The following MACROD2 variants were observed in gnomAD, a reference collection of about 807,000 sequenced individuals.
The protein encoded by MACROD2 is ADP-ribose glycohydrolase MACROD2.
MACROD2 carries 36 observed loss-of-function variants against 70.4 expected under a neutral mutation model. The observed-to-expected ratio is 0.51, with a 90% CI of 0.39 to 0.68. MACROD2 has a LOEUF of 0.68. MACROD2 is among the 30% of genes least tolerant of loss of function. The pLI, the probability that MACROD2 is intolerant of heterozygous loss-of-function variation, is 0.00. For synonymous variants in MACROD2, 172 were observed against 178.8 expected, an observed-to-expected ratio of 0.96 and a Z score of 0.30; for missense variants, 496 against 538.4, an observed-to-expected ratio of 0.92 and a Z score of 0.78.
intron 8 of MACROD2, among the ~76,000 whole-genome samples, chr20:15,601,245 T>TATAGGGC (rs2048815708): frequency 6.6e-6 from 1 of 152,122 alleles, no homozygotes; most frequent in South Asian, 2.1e-4. Context: ...GTCCAAGTGG[T>TATAGGGC]ATAGGGCTCA....
chr20:14,721,294 T>A (rs1306163837), intron 5 of MACROD2, among the ~76,000 whole-genome samples: 1 of 150,112 alleles, frequency 6.7e-6, no homozygotes, highest in Non-Finnish European at 1.5e-5. Context: ...AAAGAATCTC[T>A]CAAATGTGAA....
chr20:15,209,245 C>T (rs900834873), intron 5 of MACROD2, among the ~76,000 whole-genome samples: 6 of 152,056 alleles, frequency 3.9e-5, no homozygotes, highest in East Asian at 1.9e-4. Context: ...AACTCATCAC[C>T]GTGTTGGTCC....
At chr20:15,963,245 T>A (rs73900897) in intron 12 of MACROD2, among the ~76,000 whole-genome samples, 3,702 of 152,286 alleles carry the variant, frequency 0.024, 95 homozygotes, top group African/African-American at 0.076. Flanking sequence ...AGAGAAAGAC[T>A]ATTTTATGTG....
chr20:15,557,729 C>T (rs934121549), intron 8 of MACROD2, among the ~76,000 whole-genome samples: 6 of 152,152 alleles, frequency 3.9e-5, no homozygotes, highest in African/African-American at 1.2e-4. Context: ...CATGATGGAA[C>T]ACAGAGAGTA....
intron 4 of MACROD2, among the ~76,000 whole-genome samples, chr20:14,505,582 G>T (rs536904916): frequency 1.3e-4 from 20 of 152,292 alleles, no homozygotes; most frequent in Non-Finnish European, 1.5e-5. Flanking sequence ...CTGAATTAGT[G>T]GTTCTAAAAT....
chr20:15,773,389 G>A (rs1186614114), intron 8 of MACROD2, among the ~76,000 whole-genome samples: 2 of 152,008 alleles, frequency 1.3e-5, no homozygotes, highest in Non-Finnish European at 2.9e-5. Context: ...TGATTCTGCT[G>A]CAAATCAGCT....
intron 10 of MACROD2, among the ~76,000 whole-genome samples, chr20:15,913,127 A>T (rs1198554019): frequency 6.6e-6 from 1 of 152,210 alleles, no homozygotes. Context: ...ATTTAAAAAT[A>T]TATTAGGCAT....
chr20:15,794,396 T>A (rs1234832648), intron 8 of MACROD2, among the ~76,000 whole-genome samples: 1 of 152,212 alleles, frequency 6.6e-6, no homozygotes, highest in East Asian at 1.9e-4. Context: ...AAAATTTGAA[T>A]CCCTGTCTTG....
At chr20:14,902,363 C>A (rs369066676) in intron 5 of MACROD2, among the ~76,000 whole-genome samples, 1 of 152,168 alleles carries the variant, frequency 6.6e-6, no homozygotes, top group Admixed American at 6.5e-5. Context: ...GAGAATAGGT[C>A]AGCCACATTG....
chr20:14,196,655 G>C (rs1000278065), intron 3 of MACROD2, among the ~76,000 whole-genome samples: 1 of 152,196 alleles, frequency 6.6e-6, no homozygotes, highest in Admixed American at 6.5e-5. Context: ...CAGCATGACT[G>C]AGGCATGATG....
intron 6 of MACROD2, among the ~76,000 whole-genome samples, chr20:15,377,218 TTAAGTG>T (rs2045575882): frequency 6.6e-6 from 1 of 152,144 alleles, no homozygotes; most frequent in African/African-American, 2.4e-5. Flanking sequence ...GTTAATTTCT[TTAAGTG>T]TATTACATTT....
intron 5 of MACROD2, among the ~76,000 whole-genome samples, chr20:14,878,867 C>T (rs1406392630): frequency 6.6e-6 from 1 of 152,054 alleles, no homozygotes; most frequent in Non-Finnish European, 1.5e-5. Flanking sequence ...TATTATGTTG[C>T]CCAGGCTTTC....
chr20:15,228,487 C>CTTTTTT lies in MACROD2; in HGVS notation c.419-1439_419-1434dup, dbSNP rs527508760. On this transcript the variant is annotated intron_variant, in intron 5 of 17. Coordinates refer to ENST00000684519, the MANE Select transcript of MACROD2 (RefSeq NM_001351661.2). ...TTTTTCTTTTCTTTTTTCCTTCTTT[C>CTTTTTT]TTTTTTTTTTTTTTTTTTTGAGATG... Among the ~76,000 whole-genome samples the CTTTTTT allele has an allele frequency of 1.7e-3, 199 of 117,950 alleles. 1 individual carries two copies. Among genetic ancestry groups the CTTTTTT allele is most frequent in the African/African-American group, 2.7e-3 (84 of 30,730 alleles). 77.4% of individuals were successfully genotyped at this position (117,950 alleles called of 152,430 possible).
At chr20:15,480,545 T>A (rs1293005344) in intron 7 of MACROD2, among the ~76,000 whole-genome samples, 1 of 152,124 alleles carries the variant, frequency 6.6e-6, no homozygotes, top group Non-Finnish European at 1.5e-5. Context: ...TCTGCCCCCC[T>A]TCTCCACTGC....
At chr20:15,600,520 CTT>C (rs1373795650) in intron 8 of MACROD2, among the ~76,000 whole-genome samples, 1 of 152,172 alleles carries the variant, frequency 6.6e-6, no homozygotes, top group East Asian at 1.9e-4. Context: ...TTCTCTATCT[CTT>C]TTGATGACAA....
intron 16 of MACROD2, among the ~76,000 whole-genome samples, chr20:16,043,715 C>T (rs2067338482): frequency 6.6e-6 from 1 of 152,076 alleles, no homozygotes; most frequent in Non-Finnish European, 1.5e-5. Flanking sequence ...GCCACTACAG[C>T]AGCCGTCGGC....
chr20:15,618,081 A>G (rs1568931705), intron 8 of MACROD2, among the ~76,000 whole-genome samples: 1 of 138,436 alleles, frequency 7.2e-6, no homozygotes, highest in Non-Finnish European at 1.5e-5. Context: ...TGTCTCTAGA[A>G]GGCCATCATT....
Position 15,264,937 on chromosome 20 carries a change from T to C in MACROD2, c.540+34876T>C, listed in dbSNP as rs556841543. Reference sequence around the variant, plus strand: ...GTCAGAGAGACCTTAGATCTGAGGCTGCTTCTTTAGTTAAAAGCACCATAC... The same window carrying C: ...GTCAGAGAGACCTTAGATCTGAGGCCGCTTCTTTAGTTAAAAGCACCATAC... On this transcript the variant is annotated intron_variant, in intron 6 of 17. Transcript: ENST00000684519. Among the ~76,000 whole-genome samples, 6 of 152,272 alleles carry C rather than the reference T, an allele frequency of 3.9e-5. No individual in the cohort carries two copies. The East Asian group carries it at 1.2e-3, about 29-fold the overall frequency.
In MACROD2 at chr20:14,058,676, G is replaced by A. The variant is rs1176016268; in HGVS notation, c.164-26945G>A. On this transcript the variant is annotated intron_variant, in intron 2 of 17. Transcript: ENST00000684519. ...TTTTTTTTTTTTGAGACAGAGTCTC[G>A]CTCTGTCACCAGGCTGGAGTGCAGT... Among the ~76,000 whole-genome samples, 11 of 131,210 alleles carry A rather than the reference G, an allele frequency of 8.4e-5. No individual in the cohort carries two copies. In the East Asian group the frequency reaches 2.4e-3, roughly 29 times the overall value. 86.1% of individuals were successfully genotyped at this position (131,210 alleles called of 152,430 possible).
Sources: gnomAD v4.1 joint callset for allele counts (sites outside exome capture counted in the v4.1 genomes callset) on GRCh38, gnomAD v4.1.1 for gene constraint, MANE v1.5 for transcripts, NCBI Gene and HGNC (gene_info 2026-07-23, HGNC 2026-07-21) for gene names.